DIRAS3: variants seen among roughly 807,000 people sequenced by gnomAD.
DIRAS3 encodes DIRAS family GTPase 3.
For synonymous variants in DIRAS3, 133 were observed against 131.4 expected, an observed-to-expected ratio of 1.01 and a Z score of -0.08; for missense variants, 248 against 300.6, an observed-to-expected ratio of 0.83 and a Z score of 1.29.
In DIRAS3 at chr1:68,047,192, T is replaced by A; in HGVS notation, c.106A>T (p.Arg36Ter). The change falls in exon 2 of 2, where the codon AGA becomes TGA. Residue 36 changes from arginine (R) to a stop codon, truncating the protein, a stop_gained. Coordinates refer to ENST00000646789, the MANE Select transcript of DIRAS3 (RefSeq NM_004675.5). LOFTEE classifies it low-confidence loss of function (END_TRUNC). ...LRAFKPHRKIRDYRVVVVGTA... is the reference protein window; with the variant it reads ...LRAFKPHRKI ...CCGACTACCACGACGCGGTAATCTC[T>A]GATCTTCCTGTGGGGCTTGAAGGCG... 1.2e-6 allele frequency: 2 copies of A among 1,614,170 alleles called. No homozygotes were observed. The highest frequency in any genetic ancestry group is 1.7e-6 in the Non-Finnish European group (2 of 1,180,030).
intron 1 of DIRAS3, among the ~76,000 whole-genome samples, chr1:68,049,068 A>C (rs1645707651): frequency 6.6e-6 from 1 of 152,034 alleles, no homozygotes; most frequent in Non-Finnish European, 1.5e-5. Flanking sequence ...TGAAAAAAAA[A>C]AATGTTGTTG....
rs1404326954 is a variant in DIRAS3, at chr1:68,046,118, T to A, written c.*490A>T. On this transcript the variant is annotated 3_prime_UTR_variant, in exon 2 of 2. Transcript: ENST00000646789. Reference sequence around the variant, plus strand: ...TTCTCTGCTCCCACACCCCTAATGATCAACATATTCATTTTTTTATTTAGT... The same window carrying A: ...TTCTCTGCTCCCACACCCCTAATGAACAACATATTCATTTTTTTATTTAGT... The A allele has an allele frequency of 6.5e-6, 1 of 154,296 alleles. No homozygotes were observed. Among genetic ancestry groups the A allele is most frequent in the Non-Finnish European group, 1.4e-5 (1 of 69,462 alleles). 9.6% of individuals were successfully genotyped at this position (154,296 alleles called of 1,614,324 possible).
At position 68,046,779 on chromosome 1, in the gene DIRAS3, C is replaced by T. The variant is rs1645677185; in HGVS notation, c.519G>A (p.Trp173Ter). The change falls in exon 2 of 2, where the codon TGG becomes TGA. Residue 173 changes from tryptophan to a stop codon, truncating the protein, a stop_gained. Coordinates refer to ENST00000646789, the MANE Select transcript of DIRAS3 (RefSeq NM_004675.5). LOFTEE classifies it low-confidence loss of function (END_TRUNC). ...CTGAAATCTCCATGAAGGCGCAATT[C>T]CACTCCATCGCACAGGTGGCACCAT... The part of the protein sequence containing the change: ...LNDGATCAME[W>*]NCAFMEISAK... 6.2e-7 allele frequency: 1 copy of T among 1,614,170 alleles called. No homozygotes were observed. Among genetic ancestry groups the T allele is most frequent in the Non-Finnish European group, 8.5e-7 (1 of 1,180,032 alleles).
At position 68,050,291 on chromosome 1, in the gene DIRAS3, G is replaced by C. The variant is rs554310783; in HGVS notation, c.-66+257C>G. Among the ~76,000 whole-genome samples, 4 of 152,274 alleles carry C rather than the reference G, an allele frequency of 2.6e-5. No homozygotes were observed. The East Asian group carries it at 7.7e-4, about 29-fold the overall frequency. On this transcript the variant is annotated intron_variant, in intron 1 of 1. Transcript: ENST00000646789. This position sits in a 1 kb window ranked among gnomAD's most constrained non-coding sequence, Gnocchi z 4.5. ...TAGTGGACACTGTGTCAACCTTTAA[G>C]CTCGCACACTTATCAAACCTCGTTC...
At chr1:68,049,839 G>C (rs1022650505) in intron 1 of DIRAS3, 4 of 152,014 alleles carry the variant, frequency 2.6e-5, no homozygotes, top group African/African-American at 9.7e-5. Context: ...GACTAGCCTG[G>C]GTAACATAGG....
chr1:68,047,100 G>A lies in DIRAS3; in HGVS notation c.198C>T (p.Tyr66=). Residue 66 remains tyrosine (Y), a synonymous_variant, in exon 2 of 2, where the codon TAC becomes TAT. Coordinates refer to ENST00000646789, the MANE Select transcript of DIRAS3 (RefSeq NM_004675.5). ...AGTAGGTATTTTCAATGGTCGGCAG[G>A]TACTCATGACGGAAGTTGCCGCTCG... The part of the protein sequence containing the change: ...KWASGNFRHE[Y]LPTIENTYCQ... The A allele has an allele frequency of 6.2e-7, 1 of 1,614,208 alleles. No homozygotes were observed. Among genetic ancestry groups the A allele is most frequent in the Non-Finnish European group, 8.5e-7 (1 of 1,180,042 alleles).
At chr1:68,048,332 C>G (rs1270748822) in intron 1 of DIRAS3, among the ~76,000 whole-genome samples, 2 of 151,992 alleles carry the variant, frequency 1.3e-5, no homozygotes, top group African/African-American at 4.8e-5. Context: ...AAATACCAGA[C>G]AGCTGCCCAG....
intron 1 of DIRAS3, chr1:68,049,730 T>C (rs969078583): frequency 9.2e-5 from 14 of 152,172 alleles, no homozygotes; most frequent in African/African-American, 2.9e-4. Flanking sequence ...AATTCATTCA[T>C]AGAAAATTGG....
In DIRAS3 at chr1:68,046,794, G is replaced by T; in HGVS notation, c.504C>A (p.Thr168=). ...HREVALNDGA[T]CAMEWNCAFM... is the part of the protein sequence containing the mutation. ...AGGCGCAATTCCACTCCATCGCACA[G>T]GTGGCACCATCATTCAGGGCCACCT... The change falls in exon 2 of 2, where the codon ACC becomes ACA. Residue 168 remains threonine, a synonymous_variant. Transcript: ENST00000646789. The T allele has an allele frequency of 3.1e-6, 5 of 1,614,172 alleles. No individual in the cohort carries two copies. Among genetic ancestry groups the T allele is most frequent in the Non-Finnish European group, 4.2e-6 (5 of 1,180,046 alleles).
At chr1:68,047,551 G>A (rs549217668) in intron 1 of DIRAS3, among the ~76,000 whole-genome samples, 189 bp from the exon 2 acceptor site, 19 of 152,204 alleles carry the variant, frequency 1.2e-4, no homozygotes, top group African/African-American at 4.1e-4. Flanking sequence ...ACCAGCAGGT[G>A]ATATATATTA....
At chr1:68,048,294 TA>T (rs1359640555) in intron 1 of DIRAS3, among the ~76,000 whole-genome samples, 1 of 151,970 alleles carries the variant, frequency 6.6e-6, no homozygotes, top group Non-Finnish European at 1.5e-5. Flanking sequence ...ATTAGGTTTG[TA>T]AGAAACTTTT....
Position 68,050,577 on chromosome 1 carries a change from A to C in DIRAS3, c.-95T>G, listed in dbSNP as rs1485735868. 6.6e-6 allele frequency: 1 copy of C among 152,268 alleles called. No individual in the cohort carries two copies. Among genetic ancestry groups the C allele is most frequent in the East Asian group, 1.9e-4 (1 of 5,200 alleles). 9.4% of individuals were successfully genotyped at this position (152,268 alleles called of 1,614,324 possible). A position where few individuals can be genotyped will look rare whatever the true frequency, so the allele number is the denominator to read the frequency against. On this transcript the variant is annotated 5_prime_UTR_variant, in exon 1 of 2. Coordinates refer to ENST00000646789, the MANE Select transcript of DIRAS3 (RefSeq NM_004675.5). This position sits in a 1 kb window ranked among gnomAD's most constrained non-coding sequence, Gnocchi z 4.5. ...CTCGGAGGCACGAACCAAGCAGCCT[A>C]GAAGACAAATGCGCTGCTCGGAGAG...
rs778723432 is a variant in DIRAS3, at chr1:68,046,913, C to A, written c.385G>T (p.Ala129Ser). The A allele has an allele frequency of 1.4e-5, 23 of 1,614,020 alleles. No individual in the cohort carries two copies. Among genetic ancestry groups the A allele is most frequent in the Non-Finnish European group, 1.8e-5 (21 of 1,180,038 alleles). Residue 129 changes from alanine to serine, a missense_variant, in exon 2 of 2, where the codon GCC becomes TCC. Coordinates refer to ENST00000646789, the MANE Select transcript of DIRAS3 (RefSeq NM_004675.5). ...ATCTTGCAGATCAGCTCATAGAAGG[C>A]CTTCAGCTCTTCCAGGGTTTCCTTC... The part of the protein sequence containing the change: ...TKKETLEELK[A>S]FYELICKIKG...
Position 68,047,299 on chromosome 1 carries a change from G to T in DIRAS3, c.-2C>A, listed in dbSNP as rs755322060. On this transcript the variant is annotated 5_prime_UTR_variant, in exon 2 of 2. Coordinates refer to ENST00000646789, the MANE Select transcript of DIRAS3 (RefSeq NM_004675.5). ...GGAGCCAAAGCTGGCGTTACCCATCGTTGGGATTCGGAGGGGAGATACGTG... is the reference window on the plus strand; with the variant it reads ...GGAGCCAAAGCTGGCGTTACCCATCTTTGGGATTCGGAGGGGAGATACGTG... 24 of 1,611,424 alleles carry T rather than the reference G, an allele frequency of 1.5e-5. No homozygotes were observed. The highest frequency in any genetic ancestry group is 2.0e-5 in the Non-Finnish European group (23 of 1,178,518).
At chr1:68,048,688 T>A (rs1645702807) in intron 1 of DIRAS3, among the ~76,000 whole-genome samples, 2 of 151,464 alleles carry the variant, frequency 1.3e-5, no homozygotes, top group Non-Finnish European at 1.5e-5. Flanking sequence ...AATGTGCAAG[T>A]CCCATGAGAG....
rs770003646 is a variant in DIRAS3 at position 68,046,849 on chromosome 1, A to G, written c.449T>C (p.Val150Ala). ...GTGGGTGTCATCACTTTTATTGCCCACCAGCACGATGGGGAACTTATGCAG... is the reference window on the plus strand; with the variant it reads ...GTGGGTGTCATCACTTTTATTGCCCGCCAGCACGATGGGGAACTTATGCAG... ...NNLHKFPIVL[V>A]GNKSDDTHRE... Residue 150 changes from valine to alanine, a missense_variant, in exon 2 of 2, where the codon GTG (valine) becomes GCG (alanine). Transcript: ENST00000646789. The G allele has an allele frequency of 6.2e-7, 1 of 1,614,164 alleles. No homozygotes were observed. Among genetic ancestry groups the G allele is most frequent in the Admixed American group, 1.7e-5 (1 of 60,018 alleles).
chr1:68,046,626 G>T lies in DIRAS3; in HGVS notation c.672C>A (p.Asp224Glu). 6.2e-7 allele frequency: 1 copy of T among 1,614,046 alleles called. No homozygotes were observed. Among genetic ancestry groups the T allele is most frequent in the Non-Finnish European group, 8.5e-7 (1 of 1,180,004 alleles). The change falls in exon 2 of 2, where the codon GAC becomes GAA. Residue 224 changes from aspartate to glutamate, a missense_variant. Physicochemically the swap from Asp to Glu is conservative, Grantham distance 45. Transcript: ENST00000646789. Reference protein sequence around the residue: ...QMPNTTEKLLDKCIIM With the variant: ...QMPNTTEKLLEKCIIM The stretch of plus-strand genomic sequence containing the variant: ...CCAGGGCTCACATGATTATGCACTT[G>T]TCAAGCAGCTTCTCAGTGGTGTTGG...
At chr1:68,049,040 C>T (rs2100333035) in intron 1 of DIRAS3, among the ~76,000 whole-genome samples, 1 of 151,734 alleles carries the variant, frequency 6.6e-6, no homozygotes, top group Non-Finnish European at 1.5e-5. Context: ...ATACCCACCC[C>T]ATATTAGAGT....
At chr1:68,048,516 G>A (rs1645701024) in intron 1 of DIRAS3, among the ~76,000 whole-genome samples, 1 of 152,092 alleles carries the variant, frequency 6.6e-6, no homozygotes, top group Non-Finnish European at 1.5e-5. Context: ...TCCTTAAAAT[G>A]CACTTCTCTT....
Sources: allele counts gnomAD v4.1 joint callset (sites outside exome capture counted in the v4.1 genomes callset), GRCh38; gene constraint gnomAD v4.1.1; non-coding constraint Gnocchi (gnomAD v3.1); transcripts MANE v1.5; gene names NCBI Gene and HGNC (gene_info 2026-07-23, HGNC 2026-07-21).